UNC13C: variants seen among roughly 807,000 people sequenced by gnomAD.
The protein encoded by UNC13C is unc-13 homolog C, also known as protein unc-13 homolog C.
UNC13C carries 174 observed loss-of-function variants against 245.4 expected under a neutral mutation model. The observed-to-expected ratio is 0.71, with a 90% CI of 0.63 to 0.80. The LOEUF (loss-of-function observed/expected upper bound fraction) is 0.80. Among genes scored for constraint, UNC13C ranks in the 30% least tolerant of loss-of-function variants. The pLI, the probability that UNC13C is intolerant of heterozygous loss-of-function variation, is 0.00. For missense variants in UNC13C, 2,829 were observed against 2,602.9 expected (o/e 1.09, Z -1.89); for synonymous variants, 992 against 895.1 (o/e 1.11, Z -1.93).
intron 2 of UNC13C, among the ~76,000 whole-genome samples, chr15:54,061,398 A>G (rs1319825519): frequency 6.6e-6 from 1 of 152,178 alleles, no homozygotes; most frequent in East Asian, 1.9e-4. Context: ...TGTGCAAACA[A>G]AAGAAACACC....
At chr15:54,112,622 G>A (rs548590245) in intron 2 of UNC13C, among the ~76,000 whole-genome samples, 3 of 152,000 alleles carry the variant, frequency 2.0e-5, no homozygotes, top group Non-Finnish European at 2.9e-5. Flanking sequence ...ACATTCACTC[G>A]TGCAAGCTTC....
intron 10 of UNC13C, among the ~76,000 whole-genome samples, chr15:54,271,852 A>G (rs2140901947): frequency 6.6e-6 from 1 of 152,350 alleles, no homozygotes; most frequent in African/African-American, 2.4e-5. Context: ...TAAGTATTCT[A>G]CGTATGTAAC....
intron 19 of UNC13C, among the ~76,000 whole-genome samples, chr15:54,470,362 G>A (rs1027545100): frequency 1.2e-4 from 18 of 151,366 alleles, no homozygotes; most frequent in Admixed American, 2.0e-4. Flanking sequence ...CAGTTGTGAT[G>A]CTTCTGGTCC....
chr15:54,208,062 C>T (rs1176613230), intron 4 of UNC13C, among the ~76,000 whole-genome samples: 1 of 152,096 alleles, frequency 6.6e-6, no homozygotes, highest in Non-Finnish European at 1.5e-5. Context: ...ACTTGCTCAG[C>T]TTCTGGTGAG....
At chr15:54,360,818 G>T (rs1378512939) in intron 17 of UNC13C, among the ~76,000 whole-genome samples, 1 of 152,054 alleles carries the variant, frequency 6.6e-6, no homozygotes, top group African/African-American at 2.4e-5. Flanking sequence ...CTCTCACTGA[G>T]AAATTCTCTG....
the UNC13C span, among the ~76,000 whole-genome samples, chr15:53,961,601 C>T: frequency 6.6e-6 from 1 of 152,280 alleles, no homozygotes; most frequent in Admixed American, 6.5e-5. Context: ...TCTAAGCCTT[C>T]ATCTCCCTAA....
the UNC13C span, among the ~76,000 whole-genome samples, chr15:53,915,535 C>T: frequency 1.6e-4 from 24 of 151,930 alleles, no homozygotes; most frequent in Non-Finnish European, 2.8e-4. Flanking sequence ...GTTTGTAATA[C>T]GTAATGTTTT....
chr15:54,596,908 A>C (rs1028144928), intron 30 of UNC13C, among the ~76,000 whole-genome samples: 2 of 152,200 alleles, frequency 1.3e-5, no homozygotes, highest in African/African-American at 4.8e-5. Flanking sequence ...TATAGCCTGC[A>C]GAACTGTGAG....
chr15:54,425,675 T>C (rs2140967188), intron 19 of UNC13C, among the ~76,000 whole-genome samples: 1 of 152,020 alleles, frequency 6.6e-6, no homozygotes, highest in South Asian at 2.1e-4. Context: ...CAGGGACTGC[T>C]TTGGTGGTAG....
At chr15:54,487,799 A>C (rs1303056415) in intron 19 of UNC13C, among the ~76,000 whole-genome samples, 1 of 103,534 alleles carries the variant, frequency 9.7e-6, no homozygotes, top group Non-Finnish European at 2.2e-5. Context: ...AGACAGAGAG[A>C]GAGAAAAGAA....
the UNC13C span, among the ~76,000 whole-genome samples, chr15:53,840,242 A>G: frequency 6.6e-6 from 1 of 152,198 alleles, no homozygotes; most frequent in Non-Finnish European, 1.5e-5. Context: ...TATTTTAGCT[A>G]TGAGAAAATG....
chr15:54,385,018 C>T (rs2039806992), intron 17 of UNC13C, among the ~76,000 whole-genome samples: 1 of 152,024 alleles, frequency 6.6e-6, no homozygotes, highest in Non-Finnish European at 1.5e-5. Context: ...ATATCAGATG[C>T]TGGCAAGGAC....
intron 17 of UNC13C, among the ~76,000 whole-genome samples, chr15:54,383,126 A>G (rs183820527): frequency 7.9e-5 from 12 of 152,296 alleles, no homozygotes; most frequent in African/African-American, 2.9e-4. Context: ...TATAAAGAAG[A>G]ATGAATACCA....
At chr15:54,071,034 A>T (rs1210380392) in intron 2 of UNC13C, among the ~76,000 whole-genome samples, 1 of 152,172 alleles carries the variant, frequency 6.6e-6, no homozygotes, top group African/African-American at 2.4e-5. Context: ...TACTATTCCT[A>T]TATGAACTTT....
intron 4 of UNC13C, among the ~76,000 whole-genome samples, chr15:54,230,956 A>G (rs8023764): frequency 0.16 from 24,917 of 151,964 alleles, 2,623 homozygotes; most frequent in African/African-American, 0.28. Flanking sequence ...TTAAAATAAT[A>G]TCCATTTTGT....
At chr15:54,265,246 T>A in intron 9 of UNC13C, 109 bp from the exon 10 acceptor site, 1 of 767,644 alleles carries the variant, frequency 1.3e-6, no homozygotes. Flanking sequence ...GCAATGGGGA[T>A]GCATCTATAA....
chr15:53,875,195 A>G, the UNC13C span, among the ~76,000 whole-genome samples: 1 of 152,184 alleles, frequency 6.6e-6, no homozygotes, highest in Non-Finnish European at 1.5e-5. Context: ...GGCAATTTCA[A>G]TTTAGCTTAT....
chr15:54,283,789 C>T (rs1453684090), intron 10 of UNC13C, among the ~76,000 whole-genome samples: 4 of 151,738 alleles, frequency 2.6e-5, no homozygotes, highest in Admixed American at 6.6e-5. Context: ...TCAGTTTTAT[C>T]GATTGGGCGC....
At chr15:54,339,777 T>C (rs1432669231) in intron 17 of UNC13C, among the ~76,000 whole-genome samples, 1 of 152,136 alleles carries the variant, frequency 6.6e-6, no homozygotes, top group South Asian at 2.1e-4. Context: ...TTTTTGTGCA[T>C]GGACTTCTTT....
Sources: allele counts gnomAD v4.1 joint callset (sites outside exome capture counted in the v4.1 genomes callset), GRCh38; gene constraint gnomAD v4.1.1; transcripts MANE v1.5; gene names NCBI Gene and HGNC (gene_info 2026-07-23, HGNC 2026-07-21).